The following RGP1 variants were observed in gnomAD, a reference collection of about 807,000 sequenced individuals.
RGP1 encodes the protein RAB6A-GEF complex partner protein 2.
RGP1 carries 28 observed loss-of-function variants against 44.5 expected under a neutral mutation model. The observed-to-expected ratio is 0.63, with a 90% CI of 0.47 to 0.86. The LOEUF is 0.86. RGP1 is among the 40% of genes least tolerant of loss of function. The pLI is 0.00. For missense variants in RGP1, 417 were observed against 490.7 expected (o/e 0.85, Z 1.42); for synonymous variants, 212 against 196.7 (o/e 1.08, Z -0.65).
chr9:35,762,691 G>T (rs1324462089), downstream of RGP1, among the ~76,000 whole-genome samples: 1 of 152,172 alleles, frequency 6.6e-6, no homozygotes, highest in Non-Finnish European at 1.5e-5. Flanking sequence ...GGAGATTTCT[G>T]AAGGATGCCT....
the RGP1 span, among the ~76,000 whole-genome samples, chr9:35,787,492 A>T: frequency 1.3e-5 from 2 of 152,336 alleles, no homozygotes; most frequent in South Asian, 4.1e-4. Flanking sequence ...GGCCTCCCAA[A>T]GTGCTGGGAT....
the RGP1 span, among the ~76,000 whole-genome samples, chr9:35,788,291 G>A: frequency 1.3e-5 from 2 of 152,156 alleles, no homozygotes; most frequent in African/African-American, 2.4e-5. Context: ...GTTTGGGGCC[G>A]GGCGTGGTGG....
At chr9:35,750,563 G>C (rs1309020056) in intron 3 of RGP1, 95 bp from the exon 4 acceptor site, 2 of 1,408,450 alleles carry the variant, frequency 1.4e-6, no homozygotes, top group Non-Finnish European at 2.0e-6. Flanking sequence ...CAGGGACGGA[G>C]GGCCTGGCAG....
At chr9:35,772,057 A>G in the RGP1 span, 1 of 152,242 alleles carries the variant, frequency 6.6e-6, no homozygotes, top group Non-Finnish European at 1.5e-5. Flanking sequence ...GTTGTACTAC[A>G]CAATTCTATT....
chr9:35,774,113 A>G, the RGP1 span, among the ~76,000 whole-genome samples: 1 of 152,240 alleles, frequency 6.6e-6, no homozygotes, highest in Non-Finnish European at 1.5e-5. Context: ...AAAAATTATT[A>G]TAAGTTGGTT....
At position 35,751,454 on chromosome 9, in the gene RGP1, C is replaced by T. The variant is rs1827263354; in HGVS notation, c.634+42C>T. The T allele has an allele frequency of 2.5e-6, 4 of 1,611,628 alleles. No individual in the cohort carries two copies. The Admixed American group carries it at 6.7e-5, about 27-fold the overall frequency. ...AATTGTCCTACCCCATCCTTCCCCT[C>T]ATTGTTTTCCCATCTCAGAGACAGT... On this transcript the variant is annotated intron_variant, in intron 6 of 8. Transcript: ENST00000378078.
In RGP1 at chr9:35,749,981, C is replaced by T. The variant is rs1827207999; in HGVS notation, c.116+110C>T. 1.1e-6 allele frequency: 1 copy of T among 910,598 alleles called. No individual in the cohort carries two copies. The highest frequency in any genetic ancestry group is 1.7e-6 in the Non-Finnish European group (1 of 584,418). The allele number at this position is 910,598 out of a possible 1,614,324, so 56.4% of individuals were successfully genotyped here. A position where few individuals can be genotyped will look rare whatever the true frequency, so the allele number is the denominator to read the frequency against. The stretch of plus-strand genomic sequence containing the variant: ...TGTAGCGACACCACCTCCTCTTGCT[C>T]ACTGTGCTGTCATTGTAGGAGAGGG... On this transcript the variant is annotated intron_variant, in intron 2 of 8. Transcript: ENST00000378078. This position sits in a 1 kb window ranked among gnomAD's most constrained non-coding sequence, Gnocchi z 4.4.
chr9:35,774,033 T>C, the RGP1 span, among the ~76,000 whole-genome samples: 5 of 152,212 alleles, frequency 3.3e-5, no homozygotes, highest in Non-Finnish European at 7.3e-5. Context: ...TTCAGTTTTA[T>C]AGCCACTTTA....
At position 35,753,288 on chromosome 9, in the gene RGP1, A is replaced by G. The variant is rs1027155466; in HGVS notation, c.*414A>G. Reference sequence around the variant, plus strand: ...TCGATGGGATGCTGGGACCTGGGGAACCAAGGATAGGGGAAGGAGTCAGCA... The same window carrying G: ...TCGATGGGATGCTGGGACCTGGGGAGCCAAGGATAGGGGAAGGAGTCAGCA... On this transcript the variant is annotated 3_prime_UTR_variant, in exon 9 of 9. Coordinates refer to ENST00000378078, the MANE Select transcript of RGP1 (RefSeq NM_001080496.3). This position sits in a 1 kb window ranked among gnomAD's most constrained non-coding sequence, Gnocchi z 4.2. 3.7e-6 allele frequency: 6 copies of G among 1,612,424 alleles called. No individual in the cohort carries two copies. Among genetic ancestry groups the G allele is most frequent in the Middle Eastern group, 1.6e-4 (1 of 6,082 alleles).
In RGP1 at chr9:35,751,954, A is replaced by G; in HGVS notation, c.763-2A>G. On this transcript the variant is annotated splice_acceptor_variant, in intron 7 of 8. Coordinates refer to ENST00000378078, the MANE Select transcript of RGP1 (RefSeq NM_001080496.3). LOFTEE classifies it high-confidence loss of function. ...TAGCACACACCTGTCTCTTGCTCCC[A>G]GTTTTCAGTCAGCTTACAGACCGAG... 6.4e-7 allele frequency: 1 copy of G among 1,566,704 alleles called. No homozygotes were observed. Among genetic ancestry groups the G allele is most frequent in the Non-Finnish European group, 8.7e-7 (1 of 1,155,240 alleles).
downstream of RGP1, among the ~76,000 whole-genome samples, chr9:35,762,415 C>T (rs1403169780): frequency 6.6e-6 from 1 of 152,070 alleles, no homozygotes; most frequent in African/African-American, 2.4e-5. Flanking sequence ...AAATTTTGGC[C>T]ATATTGTTCA....
the RGP1 span, chr9:35,772,454 C>T: frequency 6.6e-6 from 1 of 152,146 alleles, no homozygotes; most frequent in Non-Finnish European, 1.5e-5. Flanking sequence ...CATATGCAAA[C>T]TAACAACTCC....
At chr9:35,771,580 T>C in the RGP1 span, among the ~76,000 whole-genome samples, 187 of 152,280 alleles carry the variant, frequency 1.2e-3, 1 homozygote, top group African/African-American at 4.3e-3. Flanking sequence ...TAACATACCC[T>C]GGGTTTAAGT....
At chr9:35,750,480 G>C in intron 3 of RGP1, 101 bp downstream of exon 3, 1 of 1,414,222 alleles carries the variant, frequency 7.1e-7, no homozygotes, top group Admixed American at 1.9e-5. Flanking sequence ...TGTTCTTATA[G>C]TCCCTGTCAT....
At chr9:35,771,394 T>C in the RGP1 span, among the ~76,000 whole-genome samples, 4 of 152,212 alleles carry the variant, frequency 2.6e-5, no homozygotes, top group African/African-American at 4.8e-5. Flanking sequence ...TCTCCCGTTT[T>C]GCTTTTCTGA....
rs772815087 is a variant in RGP1, at chr9:35,749,811, C to G, written c.56C>G (p.Ala19Gly). Residue 19 changes from alanine (A) to glycine (G), a missense_variant, in exon 2 of 9, where the codon GCG becomes GGG. Transcript: ENST00000378078. This position sits in a 1 kb window ranked among gnomAD's most constrained non-coding sequence, Gnocchi z 4.4. ...GGTCCTGTATTTTTGGCTGGGGAGG[C>G]GCTGGAGTGTGTAGTGACCGTCACC... ...SRGPVFLAGE[A>G]LECVVTVTNP... is the part of the protein sequence containing the mutation. 5 of 1,613,916 alleles carry G rather than the reference C, an allele frequency of 3.1e-6. No individual in the cohort carries two copies. In the South Asian group the frequency reaches 5.5e-5, roughly 18 times the overall value.
chr9:35,778,257 A>G, the RGP1 span, among the ~76,000 whole-genome samples: 1 of 152,208 alleles, frequency 6.6e-6, no homozygotes, highest in Non-Finnish European at 1.5e-5. Context: ...AGCCAAGATC[A>G]TGCCATTGTT....
chr9:35,783,234 TG>T, the RGP1 span, among the ~76,000 whole-genome samples: 1 of 152,218 alleles, frequency 6.6e-6, no homozygotes, highest in East Asian at 1.9e-4. Context: ...TACATACTTA[TG>T]AAATACAATG....
chr9:35,789,914 G>A, the RGP1 span, among the ~76,000 whole-genome samples: 1 of 152,124 alleles, frequency 6.6e-6, no homozygotes, highest in East Asian at 1.9e-4. Flanking sequence ...TTCCTCTCTG[G>A]GATTTGGTTT....
Sources: gnomAD v4.1 joint callset for allele counts (sites outside exome capture counted in the v4.1 genomes callset) on GRCh38, gnomAD v4.1.1 for gene constraint, Gnocchi (gnomAD v3.1) non-coding constraint, MANE v1.5 for transcripts, NCBI Gene and HGNC (gene_info 2026-07-23, HGNC 2026-07-21) for gene names.